DMD: variants seen among roughly 807,000 people sequenced by gnomAD.
DMD encodes dystrophin, also known as mutant dystrophin.
In DMD, 63 loss-of-function variants were observed where a neutral mutation model predicts 330.1. That is an observed-to-expected ratio of 0.19 (90% CI 0.16 to 0.24). The LOEUF is 0.24. DMD is among the 10% of genes least tolerant of loss of function. DMD has a pLI of 1.00. For missense variants in DMD, 3,344 were observed against 2,684.1 expected (o/e 1.25, Z -5.43); for synonymous variants, 1,223 against 959.8 (o/e 1.27, Z -5.07).
At chrX:33,036,759 A>G (rs1247964807) in intron 1 of DMD, among the ~76,000 whole-genome samples, 1 of 110,211 alleles carries the variant, frequency 9.1e-6, no homozygotes, top group Non-Finnish European at 1.9e-5. Context: ...ATTCAATGTA[A>G]TTCACATATA....
At chrX:31,611,283 A>G (rs2037802801) in intron 55 of DMD, among the ~76,000 whole-genome samples, 2 of 110,246 alleles carry the variant, frequency 1.8e-5, no homozygotes, top group African/African-American at 6.6e-5. Flanking sequence ...TGGTATGTAA[A>G]CCTGGAGAAA....
intron 76 of DMD, among the ~76,000 whole-genome samples, chrX:31,141,553 T>C (rs1316607184): frequency 8.9e-6 from 1 of 111,787 alleles, no homozygotes; most frequent in African/African-American, 3.3e-5. Flanking sequence ...CAGAAGTAGC[T>C]GAATTGAAGA....
intron 1 of DMD, among the ~76,000 whole-genome samples, chrX:33,114,602 C>T (rs1028411407): frequency 3.0e-4 from 33 of 110,795 alleles, no homozygotes; most frequent in African/African-American, 5.6e-4. Flanking sequence ...ACAACAAGAG[C>T]GTAATGAAAA....
In DMD at chrX:32,389,643, C is replaced by T. The variant is rs755835144; in HGVS notation, c.4376G>A (p.Arg1459Gln). ...AAAATTGGCTGGTTTCTGGAATAAT[C>T]GAAACTTCATGGAGACATCTTGTAA... Reference protein sequence around the residue: ...KKLQDVSMKFRLFQKPANFEQ... With the variant: ...KKLQDVSMKFQLFQKPANFEQ... The change falls in exon 32 of 79, where the codon CGA becomes CAA. Residue 1459 changes from arginine (R) to glutamine (Q), a missense_variant. Arg to Gln is a conservative substitution (Grantham distance 43, BLOSUM62 1). Transcript: ENST00000357033. 8 of 1,210,371 alleles carry T rather than the reference C, an allele frequency of 6.6e-6. No homozygotes were observed. In the South Asian group the frequency reaches 8.8e-5, roughly 13 times the overall value.
chrX:31,879,923 C>A (rs1319003406), intron 47 of DMD, among the ~76,000 whole-genome samples: 2 of 112,005 alleles, frequency 1.8e-5, no homozygotes, highest in African/African-American at 6.5e-5. Context: ...TTCTAATAAT[C>A]CTTTTATGTA....
intron 44 of DMD, among the ~76,000 whole-genome samples, chrX:32,129,054 G>C (rs2096674999): frequency 9.0e-6 from 1 of 111,508 alleles, no homozygotes; most frequent in South Asian, 3.8e-4. Flanking sequence ...GACAGTTACA[G>C]TTTGCTCTAG....
chrX:32,801,708 G>A (rs1478794676), intron 7 of DMD, among the ~76,000 whole-genome samples: 1 of 111,893 alleles, frequency 8.9e-6, no homozygotes, highest in Non-Finnish European at 1.9e-5. Flanking sequence ...AAGGGGTCCA[G>A]TTTCAGTCTT....
chrX:32,080,795 G>C (rs768914950), intron 44 of DMD, among the ~76,000 whole-genome samples: 2 of 111,720 alleles, frequency 1.8e-5, no homozygotes, highest in African/African-American at 6.5e-5. Context: ...ACAAGGTCAT[G>C]ACTTATTTCT....
chrX:32,056,333 C>T (rs1340976255), intron 44 of DMD, among the ~76,000 whole-genome samples: 1 of 79,992 alleles, frequency 1.3e-5, no homozygotes, highest in Non-Finnish European at 2.5e-5. Flanking sequence ...ATCAACAAAG[C>T]TAAGAGTTTT....
rs1195735356 is a variant in DMD at position 32,252,657 on chromosome X, TATATAAATATATATATATAA to T, written c.6290+34852_6290+34871del. ...ATATATAAATATATATAAATACAAATATATAAATATATATATATAAATATATAAATATATATATAAATATA... is the reference window on the plus strand; with the variant it reads ...ATATATAAATATATATAAATACAAATATATATAAATATATATATAAATATA... On this transcript the variant is annotated intron_variant, in intron 43 of 78. Transcript: ENST00000357033. Among the ~76,000 whole-genome samples, 58 of 47,574 alleles carry T rather than the reference TATATAAATATATATATATAA, an allele frequency of 1.2e-3. 7 individuals carry two copies. The highest frequency in any genetic ancestry group is 5.9e-3 in the African/African-American group (54 of 9,153). The allele number at this position is 47,574 out of a possible 115,157, so 41.3% of individuals were successfully genotyped here.
intron 47 of DMD, among the ~76,000 whole-genome samples, chrX:31,918,909 T>C (rs922934358): frequency 8.9e-6 from 1 of 112,207 alleles, no homozygotes; most frequent in African/African-American, 3.2e-5. Context: ...AGTGCTGGGA[T>C]TACAGGCGTG....
In DMD at chrX:32,425,600, G is replaced by T. The variant is rs776060830; in HGVS notation, c.4071+12641C>A. Among the ~76,000 whole-genome samples the T allele has an allele frequency of 2.7e-5, 3 of 110,394 alleles. No individual in the cohort carries two copies. In the South Asian group the frequency reaches 1.2e-3, roughly 42 times the overall value. ...CATCACAGATTTATTGTCTCTATTT[G>T]CCCTGCTCATTTTCTCTTTTACCAA... On this transcript the variant is annotated intron_variant, in intron 29 of 78. Transcript: ENST00000357033.
chrX:32,519,210 T>C (rs528530941), intron 17 of DMD, among the ~76,000 whole-genome samples: 5 of 89,136 alleles, frequency 5.6e-5, no homozygotes, highest in African/African-American at 1.7e-4. Context: ...TTAAGTGAAA[T>C]AAGCCAGGTG....
rs772022416 is a variant in DMD, at chrX:31,527,225, T to C, written c.8218-19772A>G. Among the ~76,000 whole-genome samples the C allele has an allele frequency of 1.2e-4, 13 of 111,773 alleles. No individual in the cohort carries two copies. The South Asian group carries it at 4.9e-3, about 42-fold the overall frequency. On this transcript the variant is annotated intron_variant, in intron 55 of 78. Transcript: ENST00000357033. ...AAATATTCAGATGGTAGCATAAGCG[T>C]CTGGGGGCAGAAAGGCTTTAGCTAT... is the stretch of plus-strand genomic sequence containing the variant.
At chrX:31,222,244 C>T (rs2046148889) in intron 64 of DMD, among the ~76,000 whole-genome samples, 1 of 106,665 alleles carries the variant, frequency 9.4e-6, no homozygotes. Flanking sequence ...AAAAATTAGC[C>T]GGGCATGGTG....
rs765104804 is a variant in DMD, at chrX:33,096,396, G to A, written c.32-76196C>T. Among the ~76,000 whole-genome samples the A allele has an allele frequency of 6.9e-4, 77 of 111,413 alleles. No individual in the cohort carries two copies. In the South Asian group the frequency reaches 7.7e-3, roughly 11 times the overall value. ...ATAGAGGTAGGTAAACTAAAGTTGT[G>A]TTTCTAAATAATGTTTCTGTAAGAT... is the stretch of plus-strand genomic sequence containing the variant. On this transcript the variant is annotated intron_variant, in intron 1 of 78. Transcript: ENST00000357033.
At chrX:31,890,552 T>TA (rs973858746) in intron 47 of DMD, among the ~76,000 whole-genome samples, 2 of 110,790 alleles carry the variant, frequency 1.8e-5, no homozygotes, top group African/African-American at 6.5e-5. Flanking sequence ...ATACTCATTA[T>TA]AAAAAAGTTA....
At position 32,380,733 on chromosome X, in the gene DMD, C is replaced by A. The variant is rs72468636; in HGVS notation, c.4675-53G>T. On this transcript the variant is annotated intron_variant, in intron 33 of 78. Coordinates refer to ENST00000357033, the MANE Select transcript of DMD (RefSeq NM_004006.3). ...TTAGTTTACTCTTTAATTCAAATTT[C>A]GTTATAACCACTTATTTGGAACTTT... The A allele has an allele frequency of 0.019, 19,835 of 1,045,129 alleles. 167 individuals are homozygous for A. The highest frequency in any genetic ancestry group is 0.086 in the South Asian group (4,371 of 50,768). 86.1% of individuals were successfully genotyped at this position (1,045,129 alleles called of 1,213,427 possible). A position where few individuals can be genotyped will look rare whatever the true frequency, so the allele number is the denominator to read the frequency against.
upstream of DMD, among the ~76,000 whole-genome samples, chrX:33,215,783 C>T (rs2052042363): frequency 8.9e-6 from 1 of 111,745 alleles, no homozygotes; most frequent in Non-Finnish European, 1.9e-5. Flanking sequence ...ATAGGAAGTC[C>T]TTTCCCCATT....
Sources: gnomAD v4.1 joint callset for allele counts (sites outside exome capture counted in the v4.1 genomes callset) on GRCh38, gnomAD v4.1.1 for gene constraint, MANE v1.5 for transcripts, NCBI Gene and HGNC (gene_info 2026-07-23, HGNC 2026-07-21) for gene names.